Variants in NEURL1B observed in about 807,000 individuals in gnomAD.
NEURL1B encodes E3 ubiquitin-protein ligase NEURL1B.
In NEURL1B, 13 loss-of-function variants were observed where a neutral mutation model predicts 37.4. That is an observed-to-expected ratio of 0.35 (90% confidence interval 0.23 to 0.55). The LOEUF (loss-of-function observed/expected upper bound fraction) is 0.55, where lower values mean the gene tolerates loss of function less well. Among genes scored for constraint, NEURL1B ranks in the 20% least tolerant of loss-of-function variants. NEURL1B has a pLI of 0.89. For missense variants in NEURL1B, 790 were observed against 879.2 expected, an observed-to-expected ratio of 0.90 and a Z score of 1.28; for synonymous variants, 432 against 426.6, an observed-to-expected ratio of 1.01 and a Z score of -0.16.
Position 172,676,713 on chromosome 5 carries a change from G to T in NEURL1B, c.577+6383G>T, listed in dbSNP as rs1441556855. 1.3e-5 allele frequency among the ~76,000 whole-genome samples: 2 copies of T among 152,230 alleles called. No individual in the cohort carries two copies. Among genetic ancestry groups the T allele is most frequent in the Non-Finnish European group, 2.9e-5 (2 of 68,042 alleles). On this transcript the variant is annotated intron_variant, in intron 2 of 4. Coordinates refer to ENST00000369800, the MANE Select transcript of NEURL1B (RefSeq NM_001142651.3). This position sits in a 1 kb window ranked among gnomAD's most constrained non-coding sequence, Gnocchi z 4.5. ...GGAAGCACTGAGATCCCTTGTTAAA[G>T]ATAGTTACTAGGCACTTACTCTGTG...
chr5:172,679,260 T>C (rs541333320), intron 2 of NEURL1B, among the ~76,000 whole-genome samples: 62 of 152,362 alleles, frequency 4.1e-4, no homozygotes, highest in African/African-American at 1.5e-3. Context: ...CTTCAGTAAC[T>C]CACTCCACCT....
intron 1 of NEURL1B, among the ~76,000 whole-genome samples, chr5:172,652,936 T>C (rs35691673): frequency 0.16 from 24,666 of 152,102 alleles, 2,282 homozygotes; most frequent in Admixed American, 0.25. Flanking sequence ...GAGGGGGTGG[T>C]GCTTTCTTGA....
At chr5:172,656,036 G>A (rs1211778701) in intron 1 of NEURL1B, among the ~76,000 whole-genome samples, 1 of 152,216 alleles carries the variant, frequency 6.6e-6, no homozygotes, top group Non-Finnish European at 1.5e-5. Flanking sequence ...ACTTGGACGA[G>A]GGGAAGGGGT....
chr5:172,686,586 G>T lies in NEURL1B; in HGVS notation c.1424-95G>T. The T allele has an allele frequency of 8.7e-6, 12 of 1,373,090 alleles. No individual in the cohort carries two copies. The South Asian group carries it at 1.4e-4, about 16-fold the overall frequency. The allele number at this position is 1,373,090 out of a possible 1,614,324, so 85.1% of individuals were successfully genotyped here. On this transcript the variant is annotated intron_variant, in intron 4 of 4. Coordinates refer to ENST00000369800, the MANE Select transcript of NEURL1B (RefSeq NM_001142651.3). This position sits in a 1 kb window ranked among gnomAD's most constrained non-coding sequence, Gnocchi z 7.9. ...ATCTCCCAAAAGTATTCTCCCACCG[G>T]TCCCAGCAAGAAGCCCTGCATTCTC...
At chr5:172,668,732 T>A (rs1353455182) in intron 1 of NEURL1B, among the ~76,000 whole-genome samples, 1 of 152,146 alleles carries the variant, frequency 6.6e-6, no homozygotes, top group Non-Finnish European at 1.5e-5. Context: ...CAGCAGAGAT[T>A]CATGTAGTAA....
rs369775519 is a variant in NEURL1B, at chr5:172,642,558, C to T, written c.31+1121C>T. The stretch of plus-strand genomic sequence containing the variant: ...ATATCACCCCATCTCTGCTATAACA[C>T]TCCCATATAGCTCTCCCTTCTAGGC... On this transcript the variant is annotated intron_variant, in intron 1 of 4. Coordinates refer to ENST00000369800, the MANE Select transcript of NEURL1B (RefSeq NM_001142651.3). Among the ~76,000 whole-genome samples, 4 of 152,352 alleles carry T rather than the reference C, an allele frequency of 2.6e-5. No homozygotes were observed. In the East Asian group the frequency reaches 7.7e-4, roughly 29 times the overall value.
intron 1 of NEURL1B, among the ~76,000 whole-genome samples, chr5:172,650,120 T>C (rs1003118808): frequency 1.3e-5 from 2 of 152,204 alleles, no homozygotes; most frequent in South Asian, 4.2e-4. Context: ...ATATCACAAT[T>C]GCATCCCTCA....
chr5:172,641,391 C>T lies in NEURL1B; in HGVS notation c.-16C>T. ...GCCCAGAGCGCGCCGCCGCCAACGC[C>T]GCGCCCGACGCAGCGATGGGCAACA... On this transcript the variant is annotated 5_prime_UTR_variant, in exon 1 of 5. Transcript: ENST00000369800. This position sits in a 1 kb window ranked among gnomAD's most constrained non-coding sequence, Gnocchi z 6.4. The T allele has an allele frequency of 1.4e-6, 2 of 1,381,952 alleles. No homozygotes were observed. The highest frequency in any genetic ancestry group is 1.6e-5 in the South Asian group (1 of 62,296). 85.6% of individuals were successfully genotyped at this position (1,381,952 alleles called of 1,614,324 possible).
At chr5:172,685,668 T>C (rs937153521) in intron 3 of NEURL1B, among the ~76,000 whole-genome samples, 2 of 152,220 alleles carry the variant, frequency 1.3e-5, no homozygotes, top group Non-Finnish European at 2.9e-5. Context: ...GGATCCTACC[T>C]CTCTTTCCAA....
At position 172,691,375 on chromosome 5, in the gene NEURL1B, A is replaced by G. The variant is rs1006594509; in HGVS notation, c.*4450A>G. The G allele has an allele frequency of 1.3e-5, 2 of 152,222 alleles. No homozygotes were observed. The highest frequency in any genetic ancestry group is 2.9e-5 in the Non-Finnish European group (2 of 68,054). The allele number at this position is 152,222 out of a possible 1,614,324, so 9.4% of individuals were successfully genotyped here. ...ACAGTCTAATCCTTGGGGATCTGTAATCAAGGTTTTAAAACCTGGGAAGTG... is the reference window on the plus strand; with the variant it reads ...ACAGTCTAATCCTTGGGGATCTGTAGTCAAGGTTTTAAAACCTGGGAAGTG... On this transcript the variant is annotated 3_prime_UTR_variant, in exon 5 of 5. Transcript: ENST00000369800.
intron 1 of NEURL1B, among the ~76,000 whole-genome samples, chr5:172,654,062 C>G (rs1048839726): frequency 6.6e-6 from 1 of 152,190 alleles, no homozygotes; most frequent in Non-Finnish European, 1.5e-5. Flanking sequence ...GTGGACTAGA[C>G]TGCCTAAGGC....
rs1758655526 is a variant in NEURL1B at position 172,691,376 on chromosome 5, T to C, written c.*4451T>C. On this transcript the variant is annotated 3_prime_UTR_variant, in exon 5 of 5. Transcript: ENST00000369800. ...CAGTCTAATCCTTGGGGATCTGTAA[T>C]CAAGGTTTTAAAACCTGGGAAGTGG... 1 of 152,224 alleles carries C rather than the reference T, an allele frequency of 6.6e-6. No homozygotes were observed. The allele number at this position is 152,224 out of a possible 1,614,324, so 9.4% of individuals were successfully genotyped here.
chr5:172,679,659 G>A (rs976572422), intron 2 of NEURL1B, among the ~76,000 whole-genome samples: 5 of 152,174 alleles, frequency 3.3e-5, no homozygotes, highest in Non-Finnish European at 7.3e-5. Flanking sequence ...TTTTCTGAGG[G>A]GCTGCCGTGT....
In NEURL1B at chr5:172,648,397, C is replaced by T. The variant is rs555885889; in HGVS notation, c.31+6960C>T. On this transcript the variant is annotated intron_variant, in intron 1 of 4. Transcript: ENST00000369800. Reference sequence around the variant, plus strand: ...AAAGAATAACCACTAACTTGTATCACGTAACCACTAACTTGTATCACGTAG... The same window carrying T: ...AAAGAATAACCACTAACTTGTATCATGTAACCACTAACTTGTATCACGTAG... 1.4e-3 allele frequency among the ~76,000 whole-genome samples: 205 copies of T among 150,786 alleles called. 1 individual carries two copies. Among genetic ancestry groups the T allele is most frequent in the African/African-American group, 4.9e-3 (196 of 40,092 alleles).
At chr5:172,650,532 G>C (rs1757642026) in intron 1 of NEURL1B, among the ~76,000 whole-genome samples, 1 of 152,164 alleles carries the variant, frequency 6.6e-6, no homozygotes, top group African/African-American at 2.4e-5. Context: ...TGGGTTTGGA[G>C]GCAGTCCCAA....
At chr5:172,668,955 A>G (rs923197606) in intron 1 of NEURL1B, among the ~76,000 whole-genome samples, 2 of 152,228 alleles carry the variant, frequency 1.3e-5, no homozygotes, top group African/African-American at 4.8e-5. Context: ...CGTTCCGGAA[A>G]AGCCAACGTT....
At chr5:172,667,994 C>T (rs1758048720) in intron 1 of NEURL1B, among the ~76,000 whole-genome samples, 1 of 151,990 alleles carries the variant, frequency 6.6e-6, no homozygotes, top group African/African-American at 2.4e-5. Context: ...TTACCCCAAC[C>T]ACCCTCCCAG....
intron 2 of NEURL1B, among the ~76,000 whole-genome samples, chr5:172,680,790 G>A (rs324330): frequency 0.77 from 116,618 of 152,182 alleles, 45,656 homozygotes; most frequent in African/African-American, 0.94. Context: ...TTGTTCATTT[G>A]ATGTTATATC....
chr5:172,642,470 C>T (rs1581415564), intron 1 of NEURL1B, among the ~76,000 whole-genome samples: 2 of 152,132 alleles, frequency 1.3e-5, no homozygotes, highest in African/African-American at 4.8e-5. Context: ...CACAAAGGCT[C>T]GGCTCAATGG....
Sources: gnomAD v4.1 joint callset for allele counts (sites outside exome capture counted in the v4.1 genomes callset) on GRCh38, gnomAD v4.1.1 for gene constraint, Gnocchi (gnomAD v3.1) non-coding constraint, MANE v1.5 for transcripts, NCBI Gene and HGNC (gene_info 2026-07-23, HGNC 2026-07-21) for gene names.